The following ITGA4 variants were observed in gnomAD, a reference collection of about 807,000 sequenced individuals.
ITGA4 encodes integrin subunit alpha 4, also known as integrin alpha-4.
In ITGA4, 63 loss-of-function variants were observed where a neutral mutation model predicts 133.6. That is an observed-to-expected ratio of 0.47 (90% CI 0.38 to 0.58). The LOEUF (loss-of-function observed/expected upper bound fraction) is 0.58, where lower values mean the gene tolerates loss of function less well. ITGA4 is among the 20% of genes least tolerant of loss of function. The pLI is 0.00. For missense variants in ITGA4, 1,076 were observed against 1,252.7 expected, an observed-to-expected ratio of 0.86 and a Z score of 2.13; for synonymous variants, 483 against 438.0, an observed-to-expected ratio of 1.10 and a Z score of -1.28.
At chr2:181,460,581 G>A (rs1411912614) in intron 2 of ITGA4, among the ~76,000 whole-genome samples, 21 of 151,922 alleles carry the variant, frequency 1.4e-4, no homozygotes, top group Admixed American at 4.6e-4. Context: ...GTGTGTGTGT[G>A]TGTGTGTGTG....
At chr2:181,460,723 ATTG>A (rs1170113865) in intron 2 of ITGA4, among the ~76,000 whole-genome samples, 1 of 152,076 alleles carries the variant, frequency 6.6e-6, no homozygotes, top group East Asian at 1.9e-4. Flanking sequence ...GTTCTTCTTT[ATTG>A]TTTACTTAAA....
In ITGA4 at chr2:181,524,202, C is replaced by T. The variant is rs956739219; in HGVS notation, c.2201C>T (p.Ser734Leu). 1.2e-6 allele frequency: 2 copies of T among 1,604,932 alleles called. No homozygotes were observed. Among genetic ancestry groups the T allele is most frequent in the Non-Finnish European group, 1.7e-6 (2 of 1,175,578 alleles). Residue 734 changes from serine (S) to leucine (L), a missense_variant, in exon 20 of 28, where the codon TCA becomes TTA. Physicochemically the swap from Ser to Leu is moderately radical, Grantham distance 145. Transcript: ENST00000397033. ...ATTAGCTTTCTCCTGGATGTGAGCT[C>T]ACTCAGCAGAGCGGAAGAGGACCTC... ...IDISFLLDVS[S>L]LSRAEEDLSI...
At chr2:181,463,011 G>T (rs566443171) in intron 2 of ITGA4, among the ~76,000 whole-genome samples, 69 of 152,228 alleles carry the variant, frequency 4.5e-4, no homozygotes, top group African/African-American at 1.7e-3. Context: ...AGGAAAGTAT[G>T]GTGAGATTTA....
At position 181,534,750 on chromosome 2, in the gene ITGA4, A is replaced by G. The variant is rs1014486810; in HGVS notation, c.2884-66A>G. 4 of 1,378,814 alleles carry G rather than the reference A, an allele frequency of 2.9e-6. No homozygotes were observed. The African/African-American group carries it at 6.0e-5, about 21-fold the overall frequency. 85.4% of individuals were successfully genotyped at this position (1,378,814 alleles called of 1,614,324 possible). A position where few individuals can be genotyped will look rare whatever the true frequency, so the allele number is the denominator to read the frequency against. ...ATTATGGCAGGGCTTTAAAGGAAAT[A>G]TAAGCAACGTTTTAAACTGATTTTT... On this transcript the variant is annotated intron_variant, in intron 26 of 27. Coordinates refer to ENST00000397033, the MANE Select transcript of ITGA4 (RefSeq NM_000885.6).
At chr2:181,462,020 AAATT>A (rs966048766) in intron 2 of ITGA4, among the ~76,000 whole-genome samples, 41 of 152,174 alleles carry the variant, frequency 2.7e-4, no homozygotes, top group African/African-American at 7.2e-4. Context: ...AGGTTAAATA[AAATT>A]AATTTTATTT....
At chr2:181,460,841 A>G (rs1685259011) in intron 2 of ITGA4, among the ~76,000 whole-genome samples, 2 of 152,330 alleles carry the variant, frequency 1.3e-5, no homozygotes, top group Non-Finnish European at 2.9e-5. Context: ...ATTAAAAGGT[A>G]GAAGTTGAAA....
chr2:181,509,660 A>G lies in ITGA4; in HGVS notation c.1698A>G (p.Lys566=), dbSNP rs745567438. The part of the protein sequence containing the change: ...NCRTHQAFMR[K]DVRDILTPIQ... Reference sequence around the variant, plus strand: ...CATATGGTGGTTATTTTCCTTAGAAAGATGTGCGGGACATCCTCACCCCAA... The same window carrying G: ...CATATGGTGGTTATTTTCCTTAGAAGGATGTGCGGGACATCCTCACCCCAA... The change falls in exon 16 of 28, where the codon AAA becomes AAG. Residue 566 remains lysine (K), a splice_region_variant and synonymous_variant. Transcript: ENST00000397033. 3.8e-6 allele frequency: 6 copies of G among 1,571,586 alleles called. 1 individual carries two copies. The South Asian group carries it at 6.1e-5, about 16-fold the overall frequency.
At position 181,538,259 on chromosome 2, in the gene ITGA4, C is replaced by T. The variant is rs1005920378; in HGVS notation, c.*2732C>T. 4.0e-6 allele frequency: 6 copies of T among 1,497,832 alleles called. No homozygotes were observed. The African/African-American group carries it at 6.9e-5, about 17-fold the overall frequency. 92.8% of individuals were successfully genotyped at this position (1,497,832 alleles called of 1,614,324 possible). On this transcript the variant is annotated 3_prime_UTR_variant, in exon 28 of 28. Transcript: ENST00000397033. ...TTGGATGCAATCTGTAAAGAAAATA[C>T]ATTATTTCATCAACTTATTTTGTTG...
chr2:181,519,591 G>A (rs1686676252), intron 17 of ITGA4, among the ~76,000 whole-genome samples: 1 of 152,098 alleles, frequency 6.6e-6, no homozygotes, highest in Admixed American at 6.6e-5. Flanking sequence ...AGGTTCATAA[G>A]AATAACTCTC....
At chr2:181,487,270 C>T (rs1685943831) in intron 10 of ITGA4, among the ~76,000 whole-genome samples, 1 of 152,140 alleles carries the variant, frequency 6.6e-6, no homozygotes, top group African/African-American at 2.4e-5. Context: ...GGCATTGGCT[C>T]ATTTTCATAA....
intron 6 of ITGA4, 69 bp from the exon 7 acceptor site, chr2:181,481,529 C>T (rs1685803567): frequency 9.2e-6 from 6 of 653,198 alleles, no homozygotes; most frequent in South Asian, 2.3e-5. Flanking sequence ...ATTTTATGAT[C>T]TATTTTACCC....
chr2:181,517,852 C>T (rs917913697), intron 17 of ITGA4, among the ~76,000 whole-genome samples: 1 of 152,032 alleles, frequency 6.6e-6, no homozygotes, highest in Non-Finnish European at 1.5e-5. Context: ...AGTGCTTTCA[C>T]CTTCTGTTGC....
chr2:181,464,202 A>G (rs1203227876), intron 2 of ITGA4, among the ~76,000 whole-genome samples: 1 of 152,170 alleles, frequency 6.6e-6, no homozygotes, highest in East Asian at 1.9e-4. Context: ...AGTAGTTGGC[A>G]GTAGTAAAGG....
In ITGA4 at chr2:181,526,821, C is replaced by T. The variant is rs1003174072; in HGVS notation, c.2340-476C>T. Among the ~76,000 whole-genome samples, 21 of 41,008 alleles carry T rather than the reference C, an allele frequency of 5.1e-4. No homozygotes were observed. In the East Asian group the frequency reaches 6.4e-3, roughly 13 times the overall value. The allele number at this position is 41,008 out of a possible 152,430, so 26.9% of individuals were successfully genotyped here. A position where few individuals can be genotyped will look rare whatever the true frequency, so the allele number is the denominator to read the frequency against. The stretch of plus-strand genomic sequence containing the variant: ...TGTCACCCAGGTCAGAGCACATGGC[C>T]TTTTTTTTTTTTTTTTTTTTTTTTT... On this transcript the variant is annotated intron_variant, in intron 21 of 27. Coordinates refer to ENST00000397033, the MANE Select transcript of ITGA4 (RefSeq NM_000885.6).
At chr2:181,466,354 C>A (rs146626994) in intron 2 of ITGA4, among the ~76,000 whole-genome samples, 51 of 152,208 alleles carry the variant, frequency 3.4e-4, no homozygotes, top group African/African-American at 1.2e-3. Context: ...TAAACTGTTT[C>A]TCACATAAAT....
At chr2:181,500,731 T>C (rs1686249663) in intron 15 of ITGA4, among the ~76,000 whole-genome samples, 1 of 152,134 alleles carries the variant, frequency 6.6e-6, no homozygotes, top group African/African-American at 2.4e-5. Context: ...CTTGTGTAGA[T>C]GTCCCTACTG....
At chr2:181,511,675 A>T (rs1265891709) in intron 16 of ITGA4, 24 bp from the exon 17 acceptor site, 1 of 1,356,946 alleles carries the variant, frequency 7.4e-7, no homozygotes, top group African/African-American at 1.4e-5. Flanking sequence ...ATCAAAATAA[A>T]AAACGTTGTC....
At chr2:181,500,366 G>T (rs913141304) in intron 15 of ITGA4, among the ~76,000 whole-genome samples, 1 of 152,108 alleles carries the variant, frequency 6.6e-6, no homozygotes, top group Non-Finnish European at 1.5e-5. Context: ...ACTTAAGAAG[G>T]TATAGGAATG....
chr2:181,515,362 T>G (rs150630236), intron 17 of ITGA4, among the ~76,000 whole-genome samples: 1 of 152,246 alleles, frequency 6.6e-6, no homozygotes, highest in East Asian at 1.9e-4. Context: ...GTGCAAAGCC[T>G]GATTTCCATG....
Sources: allele counts gnomAD v4.1 joint callset (sites outside exome capture counted in the v4.1 genomes callset), GRCh38; gene constraint gnomAD v4.1.1; transcripts MANE v1.5; gene names NCBI Gene and HGNC (gene_info 2026-07-23, HGNC 2026-07-21).